IGSF3: variants seen among roughly 807,000 people sequenced by gnomAD.
IGSF3 encodes the protein immunoglobulin superfamily member 3, also known as glu-Trp-Ile EWI motif-containing protein 3.
IGSF3 carries 23 observed loss-of-function variants against 114.4 expected under a neutral mutation model. The ratio of observed to expected loss-of-function variants is 0.20; its 90% CI spans 0.14 to 0.28. IGSF3 has a LOEUF of 0.28. IGSF3 is among the 10% of genes least tolerant of loss of function. IGSF3 has a pLI of 1.00. For synonymous variants in IGSF3, 571 were observed against 645.2 expected, an observed-to-expected ratio of 0.88 and a Z score of 1.74; for missense variants, 1,172 against 1,591.5, an observed-to-expected ratio of 0.74 and a Z score of 4.48.
intron 7 of IGSF3, among the ~76,000 whole-genome samples, chr1:116,591,624 G>A (rs1257036332): frequency 2.0e-5 from 3 of 152,108 alleles, no homozygotes; most frequent in Admixed American, 6.5e-5. Flanking sequence ...TTTAAATTTG[G>A]TGCACGTCTG....
chr1:116,608,123 T>A lies in IGSF3; in HGVS notation c.1041A>T (p.Gly347=), dbSNP rs1400250516. ...NSEFAHREAR[G]QLKVAKESDS... is the part of the protein sequence containing the mutation. ...CGCTCTCTTTGGCCACCTTAAGCTGTCCCCTGGCTTCCCGGTGAGCAAATT... is the reference window on the plus strand; with the variant it reads ...CGCTCTCTTTGGCCACCTTAAGCTGACCCCTGGCTTCCCGGTGAGCAAATT... Residue 347 remains glycine, a synonymous_variant, in exon 5 of 11, where the codon GGA becomes GGT. Transcript: ENST00000369486. The A allele has an allele frequency of 6.2e-6, 10 of 1,613,908 alleles. No individual in the cohort carries two copies. Among genetic ancestry groups the A allele is most frequent in the Non-Finnish European group, 5.9e-6 (7 of 1,179,848 alleles).
At chr1:116,640,037 C>CAAAAAAAAATAA (rs1648017287) in intron 2 of IGSF3, among the ~76,000 whole-genome samples, 1 of 65,292 alleles carries the variant, frequency 1.5e-5, no homozygotes, top group Non-Finnish European at 3.0e-5. Flanking sequence ...GACTCTATCT[C>CAAAAAAAAATAA]AAAAAAAAAA....
At position 116,603,789 on chromosome 1, in the gene IGSF3, C is replaced by A. The variant is rs1448952051; in HGVS notation, c.1459G>T (p.Glu487Ter). 1 of 1,613,914 alleles carries A rather than the reference C, an allele frequency of 6.2e-7. No individual in the cohort carries two copies. Among genetic ancestry groups the A allele is most frequent in the African/African-American group, 1.3e-5 (1 of 74,928 alleles). ...ERSSFGGVQM[E>*]QVQPNSFSLG... is the part of the protein sequence containing the mutation. ...CTGAACGAGTTGGGCTGCACCTGCT[C>A]CATCTGGACGCCCCCAAAGCTGCTG... Residue 487 changes from glutamate to a stop codon, truncating the protein, a stop_gained, in exon 6 of 11, where the codon GAG becomes TAG. Transcript: ENST00000369486. LOFTEE classifies it high-confidence loss of function. The surrounding 1 kb of genome is among the most constrained non-coding windows in gnomAD (Gnocchi z 7.1).
rs1228094130 is a variant in IGSF3 at position 116,613,881 on chromosome 1, G to C, written c.716C>G (p.Ser239Cys). The stretch of plus-strand genomic sequence containing the variant: ...CTCGCAGTAGAATTCGCCCTGGTCA[G>C]AAGGCTGCAGGTGGAAGATGGTGAG... Reference protein sequence around the residue: ...FRLTIFHLQPSDQGEFYCEAA... With the variant: ...FRLTIFHLQPCDQGEFYCEAA... The change falls in exon 4 of 11, where the codon TCT becomes TGT. Residue 239 changes from serine to cysteine, a missense_variant. Physicochemically the swap from Ser to Cys is moderately radical, Grantham distance 112. Around this residue, in one of 3 missense-constraint regions of IGSF3, gnomAD observed 736 missense variants for 1,042.0 expected, o/e 0.71. Transcript: ENST00000369486. 1 of 1,613,982 alleles carries C rather than the reference G, an allele frequency of 6.2e-7. No homozygotes were observed. Among genetic ancestry groups the C allele is most frequent in the East Asian group, 2.2e-5 (1 of 44,878 alleles).
rs1647401636 is a variant in IGSF3, at chr1:116,628,398, AC to A, written c.44-11942del. Among the ~76,000 whole-genome samples the A allele has an allele frequency of 6.6e-6, 1 of 151,114 alleles. No individual in the cohort carries two copies. Among genetic ancestry groups the A allele is most frequent in the Non-Finnish European group, 1.5e-5 (1 of 67,828 alleles). On this transcript the variant is annotated intron_variant, in intron 2 of 10. Coordinates refer to ENST00000369486, the MANE Select transcript of IGSF3 (RefSeq NM_001007237.3). The surrounding 1 kb of genome is among the most constrained non-coding windows in gnomAD (Gnocchi z 4.2). ...AGAAAGCAATCTGACTGGCTGGGAG[AC>A]TTTTTTTTTTAACCAGGCCCCCAGA...
At chr1:116,590,031 C>T (rs1660032372) in intron 7 of IGSF3, among the ~76,000 whole-genome samples, 1 of 151,982 alleles carries the variant, frequency 6.6e-6, no homozygotes, top group African/African-American at 2.4e-5. Context: ...GTTGGAGAAA[C>T]ACGGCAACAG....
intron 10 of IGSF3, among the ~76,000 whole-genome samples, chr1:116,578,986 C>A (rs1390217396): frequency 2.0e-5 from 3 of 152,194 alleles, no homozygotes; most frequent in African/African-American, 7.2e-5. Context: ...GAAATAATGA[C>A]AGTGAGGTAG....
intron 2 of IGSF3, among the ~76,000 whole-genome samples, chr1:116,617,577 C>T (rs1433625365): frequency 1.3e-5 from 2 of 152,170 alleles, no homozygotes; most frequent in Non-Finnish European, 2.9e-5. Flanking sequence ...GCATGGGTTC[C>T]GATGCTGGCT....
rs753940370 is a variant in IGSF3, at chr1:116,607,987, CCTT to C, written c.1174_1176del (p.Lys392del). ...GGGATGTTCTTGGGACGCTTGCTCT[CCTT>C]ATCAATGAATTCCCCGGTCACGGTT... is the stretch of plus-strand genomic sequence containing the variant. On this transcript the variant is annotated inframe_deletion, in exon 5 of 11. Transcript: ENST00000369486. This position sits in a 1 kb window ranked among gnomAD's most constrained non-coding sequence, Gnocchi z 6.1. 1 of 1,608,950 alleles carries C rather than the reference CCTT, an allele frequency of 6.2e-7. No homozygotes were observed. Among genetic ancestry groups the C allele is most frequent in the Non-Finnish European group, 8.5e-7 (1 of 1,175,150 alleles).
chr1:116,631,320 A>G (rs1297927446), intron 2 of IGSF3, among the ~76,000 whole-genome samples: 2 of 144,450 alleles, frequency 1.4e-5, no homozygotes, highest in African/African-American at 5.5e-5. Flanking sequence ...GCTGTCTCAA[A>G]AAAAAAAAAA....
intron 4 of IGSF3, among the ~76,000 whole-genome samples, chr1:116,611,919 C>T (rs554182504): frequency 3.7e-4 from 56 of 152,216 alleles, no homozygotes; most frequent in African/African-American, 1.3e-3. Flanking sequence ...ACCTTCAATG[C>T]TGTGGAGACT....
intron 2 of IGSF3, among the ~76,000 whole-genome samples, chr1:116,653,103 G>T (rs541884132): frequency 6.6e-6 from 1 of 152,160 alleles, no homozygotes; most frequent in Non-Finnish European, 1.5e-5. Flanking sequence ...AAATCTCTCG[G>T]ATGCAGGCAG....
rs1352917373 is a variant in IGSF3, at chr1:116,654,177, A to G, written c.43+12107T>C. ...CCAACACCAAACCACTGCCAAACAA[A>G]GCTGAAGAGGAAAACCAGAAAGGTC... On this transcript the variant is annotated intron_variant, in intron 2 of 10. Transcript: ENST00000369486. This position sits in a 1 kb window ranked among gnomAD's most constrained non-coding sequence, Gnocchi z 4.4. 6.6e-6 allele frequency among the ~76,000 whole-genome samples: 1 copy of G among 152,234 alleles called. No individual in the cohort carries two copies. Among genetic ancestry groups the G allele is most frequent in the Non-Finnish European group, 1.5e-5 (1 of 68,036 alleles).
chr1:116,611,663 C>G (rs189971113), intron 4 of IGSF3, among the ~76,000 whole-genome samples: 211 of 152,182 alleles, frequency 1.4e-3, no homozygotes, highest in African/African-American at 4.8e-3. Context: ...GCTGACTCCT[C>G]AAGCTTCCAG....
In IGSF3 at chr1:116,625,902, C is replaced by T. The variant is rs1490399307; in HGVS notation, c.44-9445G>A. On this transcript the variant is annotated intron_variant, in intron 2 of 10. Transcript: ENST00000369486. The surrounding 1 kb of genome is among the most constrained non-coding windows in gnomAD (Gnocchi z 4.7). ...AACCCAGTAATTCATTTCATCCCAA[C>T]CTGACTGATCTCTCTGATGTCTGCA... Among the ~76,000 whole-genome samples, 2 of 152,230 alleles carry T rather than the reference C, an allele frequency of 1.3e-5. No homozygotes were observed. Among genetic ancestry groups the T allele is most frequent in the Non-Finnish European group, 2.9e-5 (2 of 68,046 alleles).
chr1:116,617,842 T>C (rs1453238515), intron 2 of IGSF3, among the ~76,000 whole-genome samples: 7 of 152,222 alleles, frequency 4.6e-5, no homozygotes, highest in Non-Finnish European at 4.4e-5. Flanking sequence ...AATGACTGCT[T>C]AAGGACATTT....
rs1661550567 is a variant in IGSF3, at chr1:116,625,689, C to T, written c.44-9232G>A. Among the ~76,000 whole-genome samples, 2 of 152,204 alleles carry T rather than the reference C, an allele frequency of 1.3e-5. No homozygotes were observed. The highest frequency in any genetic ancestry group is 1.5e-5 in the Non-Finnish European group (1 of 68,020). On this transcript the variant is annotated intron_variant, in intron 2 of 10. Coordinates refer to ENST00000369486, the MANE Select transcript of IGSF3 (RefSeq NM_001007237.3). This position sits in a 1 kb window ranked among gnomAD's most constrained non-coding sequence, Gnocchi z 4.7. ...CAGTCAAATGCGACAAGATGAGGGC[C>T]TGGCCTGGTTTTAAATCCAAGGACA...
rs1267671013 is a variant in IGSF3, at chr1:116,603,712, A to T, written c.1536T>A (p.His512Gln). ...RKEDEGQYECHVTEWVRAVDG... is the reference protein window; with the variant it reads ...RKEDEGQYECQVTEWVRAVDG... ...CCACTGCCCGCACCCATTCAGTCAC[A>T]TGGCATTCATACTGGCCCTCGTCCT... Residue 512 changes from histidine (H) to glutamine (Q), a missense_variant, in exon 6 of 11, where the codon CAT (histidine) becomes CAA (glutamine). Physicochemically the swap from His to Gln is conservative, Grantham distance 24. Around this residue, in one of 3 missense-constraint regions of IGSF3, gnomAD observed 736 missense variants for 1,042.0 expected, o/e 0.71. Transcript: ENST00000369486. This position sits in a 1 kb window ranked among gnomAD's most constrained non-coding sequence, Gnocchi z 7.1. 6.2e-7 allele frequency: 1 copy of T among 1,613,796 alleles called. No individual in the cohort carries two copies. Among genetic ancestry groups the T allele is most frequent in the Non-Finnish European group, 8.5e-7 (1 of 1,179,850 alleles).
In IGSF3 at chr1:116,644,073, G is replaced by C. The variant is rs1213263956; in HGVS notation, c.43+22211C>G. On this transcript the variant is annotated intron_variant, in intron 2 of 10. Coordinates refer to ENST00000369486, the MANE Select transcript of IGSF3 (RefSeq NM_001007237.3). This position sits in a 1 kb window ranked among gnomAD's most constrained non-coding sequence, Gnocchi z 5.6. ...ATCCCTTAGAAAGGGGTCCCACGCT[G>C]TCCATCTGGGCCCCTACACCAAAGA... Among the ~76,000 whole-genome samples, 3 of 152,148 alleles carry C rather than the reference G, an allele frequency of 2.0e-5. No homozygotes were observed. The highest frequency in any genetic ancestry group is 7.2e-5 in the African/African-American group (3 of 41,440).
Sources: gnomAD v4.1 joint callset for allele counts (sites outside exome capture counted in the v4.1 genomes callset) on GRCh38, gnomAD v4.1.1 for gene constraint, gnomAD v4.1.1 regional missense constraint, Gnocchi (gnomAD v3.1) non-coding constraint, MANE v1.5 for transcripts, NCBI Gene and HGNC (gene_info 2026-07-23, HGNC 2026-07-21) for gene names.